The following FAM174A variants were observed in gnomAD, a reference collection of about 807,000 sequenced individuals.
FAM174A encodes membrane protein FAM174A.
FAM174A carries 14 observed loss-of-function variants against 14.3 expected under a neutral mutation model. That is an observed-to-expected ratio of 0.98 (90% CI 0.65 to 1.53). The LOEUF (loss-of-function observed/expected upper bound fraction) is 1.53, where lower values mean the gene tolerates loss of function less well. FAM174A is among the 40% of genes most tolerant of loss of function. The pLI is 0.00. For synonymous variants in FAM174A, 108 were observed against 111.4 expected (o/e 0.97, Z 0.19); for missense variants, 241 against 249.6 (o/e 0.97, Z 0.23).
chr5:100,547,322 G>A (rs1746183623), intron 1 of FAM174A, among the ~76,000 whole-genome samples: 1 of 152,090 alleles, frequency 6.6e-6, no homozygotes, highest in Admixed American at 6.6e-5. Context: ...TTTTAACAAT[G>A]TAGATTTCCA....
intron 1 of FAM174A, among the ~76,000 whole-genome samples, chr5:100,549,419 C>A (rs545740958): frequency 6.6e-6 from 1 of 152,128 alleles, no homozygotes; most frequent in Non-Finnish European, 1.5e-5. Flanking sequence ...TACTTCAAAG[C>A]CAAACTATAT....
At chr5:100,564,071 C>T (rs1265098230) in intron 2 of FAM174A, among the ~76,000 whole-genome samples, 1 of 151,620 alleles carries the variant, frequency 6.6e-6, no homozygotes, top group African/African-American at 2.4e-5. Flanking sequence ...CTATATTTGC[C>T]GTTTGAAGTA....
intron 2 of FAM174A, 117 bp downstream of exon 2, chr5:100,562,305 T>G: frequency 1.1e-6 from 1 of 944,426 alleles, no homozygotes; most frequent in East Asian, 3.0e-5. Context: ...TTTCTTCAGT[T>G]CTGTTTACTG....
chr5:100,547,272 C>T (rs984713988), intron 1 of FAM174A, among the ~76,000 whole-genome samples: 3 of 152,042 alleles, frequency 2.0e-5, no homozygotes, highest in Non-Finnish European at 4.4e-5. Flanking sequence ...GGACTAGGGA[C>T]AGTGGACATG....
chr5:100,558,708 CTT>C (rs1329242602), intron 1 of FAM174A, among the ~76,000 whole-genome samples: 2 of 152,008 alleles, frequency 1.3e-5, no homozygotes, highest in African/African-American at 4.8e-5. Context: ...TTCTTTGTCT[CTT>C]TTGATCTTTG....
chr5:100,543,292 A>AT (rs1390512283), intron 1 of FAM174A, among the ~76,000 whole-genome samples: 1 of 151,950 alleles, frequency 6.6e-6, no homozygotes, highest in Non-Finnish European at 1.5e-5. Flanking sequence ...TATTTATTGT[A>AT]TTTTTTATAG....
chr5:100,566,543 C>T (rs572097030), intron 2 of FAM174A, among the ~76,000 whole-genome samples: 3 of 151,792 alleles, frequency 2.0e-5, no homozygotes, highest in South Asian at 2.1e-4. Context: ...CAATACAATA[C>T]AGTAGTGTAT....
chr5:100,555,770 A>C (rs1260587088), intron 1 of FAM174A, among the ~76,000 whole-genome samples: 1 of 151,538 alleles, frequency 6.6e-6, no homozygotes, highest in East Asian at 1.9e-4. Flanking sequence ...CCAGTTTTTG[A>C]TGGGGTTGTT....
chr5:100,540,577 A>T (rs1746030008), intron 1 of FAM174A, among the ~76,000 whole-genome samples: 1 of 152,096 alleles, frequency 6.6e-6, no homozygotes, highest in African/African-American at 2.4e-5. Context: ...AGTAATGAAT[A>T]TTTTTTTGCA....
Position 100,551,315 on chromosome 5 carries a change from A to G in FAM174A, c.435-10739A>G, listed in dbSNP as rs191442957. On this transcript the variant is annotated intron_variant, in intron 1 of 2. Coordinates refer to ENST00000312637, the MANE Select transcript of FAM174A (RefSeq NM_198507.3). Reference sequence around the variant, plus strand: ...CAGATTTGGGTCCATCACAGCATTCATGCCAGGACAATAACCCCTAAACTT... The same window carrying G: ...CAGATTTGGGTCCATCACAGCATTCGTGCCAGGACAATAACCCCTAAACTT... Among the ~76,000 whole-genome samples the G allele has an allele frequency of 1.2e-4, 19 of 152,262 alleles. No individual in the cohort carries two copies. The East Asian group carries it at 3.7e-3, about 29-fold the overall frequency.
At chr5:100,537,566 T>A (rs1171838581) in intron 1 of FAM174A, among the ~76,000 whole-genome samples, 1 of 152,166 alleles carries the variant, frequency 6.6e-6, no homozygotes, top group African/African-American at 2.4e-5. Context: ...ACAGCAGGCG[T>A]AAGCAATATT....
At chr5:100,551,268 G>T (rs908417346) in intron 1 of FAM174A, among the ~76,000 whole-genome samples, 1 of 152,174 alleles carries the variant, frequency 6.6e-6, no homozygotes, top group African/African-American at 2.4e-5. Flanking sequence ...AAGCAAAGTG[G>T]CTTGACATCT....
chr5:100,552,308 A>G (rs1476080470), intron 1 of FAM174A, among the ~76,000 whole-genome samples: 1 of 152,076 alleles, frequency 6.6e-6, no homozygotes, highest in South Asian at 2.1e-4. Context: ...CAAGAAAAAA[A>G]TTTTATTTTA....
At chr5:100,566,854 A>G (rs1746664297) in intron 2 of FAM174A, among the ~76,000 whole-genome samples, 1 of 151,906 alleles carries the variant, frequency 6.6e-6, no homozygotes, top group African/African-American at 2.4e-5. Context: ...AAATTTTAAG[A>G]CAAGGGAAAC....
chr5:100,569,390 AT>A (rs1483982745), intron 2 of FAM174A, among the ~76,000 whole-genome samples: 4 of 94,234 alleles, frequency 4.2e-5, no homozygotes, highest in South Asian at 2.4e-4. Flanking sequence ...AGAGGCTATT[AT>A]TATATATATA....
intron 1 of FAM174A, among the ~76,000 whole-genome samples, chr5:100,549,446 T>G (rs1234472121): frequency 6.6e-6 from 1 of 152,112 alleles, no homozygotes; most frequent in Non-Finnish European, 1.5e-5. Context: ...GATTTAGGAT[T>G]TACTTTACCT....
chr5:100,581,507 C>G, intron 2 of FAM174A: 1 of 393,802 alleles, frequency 2.5e-6, no homozygotes, highest in Non-Finnish European at 3.5e-6. Context: ...GATCCCAACA[C>G]TTTGGGAGGC....
intron 1 of FAM174A, among the ~76,000 whole-genome samples, chr5:100,560,087 C>T (rs943353146): frequency 6.6e-6 from 1 of 151,894 alleles, no homozygotes; most frequent in Non-Finnish European, 1.5e-5. Flanking sequence ...TTTTATCTAC[C>T]TTTGGTCTTT....
At chr5:100,566,337 A>C (rs1746651925) in intron 2 of FAM174A, among the ~76,000 whole-genome samples, 1 of 151,420 alleles carries the variant, frequency 6.6e-6, no homozygotes, top group African/African-American at 2.4e-5. Context: ...TATCTCACTT[A>C]TATATGGAAT....
Sources: allele counts gnomAD v4.1 joint callset (sites outside exome capture counted in the v4.1 genomes callset), GRCh38; gene constraint gnomAD v4.1.1; transcripts MANE v1.5; gene names NCBI Gene and HGNC (gene_info 2026-07-23, HGNC 2026-07-21).